CSMD1: variants seen among roughly 807,000 people sequenced by gnomAD.
The protein encoded by CSMD1 is CUB and Sushi multiple domains 1.
CSMD1 carries 213 observed loss-of-function variants against 417.5 expected under a neutral mutation model. The ratio of observed to expected loss-of-function variants is 0.51; its 90% CI spans 0.46 to 0.57. The LOEUF (loss-of-function observed/expected upper bound fraction) is 0.57. Among genes scored for constraint, CSMD1 ranks in the 20% least tolerant of loss-of-function variants. The pLI is 0.00. For missense variants in CSMD1, 6,923 were observed against 4,529.7 expected (o/e 1.53, Z -15.17); for synonymous variants, 2,862 against 1,736.8 (o/e 1.65, Z -16.11).
intron 1 of CSMD1, among the ~76,000 whole-genome samples, chr8:4,902,565 G>C (rs558568573): frequency 5.9e-5 from 9 of 152,226 alleles, no homozygotes; most frequent in South Asian, 2.1e-4. Context: ...TTTCTTCTTA[G>C]AATTAGAAAA....
At chr8:4,876,203 G>C (rs922521678) in intron 1 of CSMD1, among the ~76,000 whole-genome samples, 5 of 151,972 alleles carry the variant, frequency 3.3e-5, no homozygotes, top group African/African-American at 7.3e-5. Flanking sequence ...TAAATATGTA[G>C]GCCACTTTTG....
chr8:4,894,278 C>T (rs1226357703), intron 1 of CSMD1, among the ~76,000 whole-genome samples: 1 of 151,920 alleles, frequency 6.6e-6, no homozygotes, highest in African/African-American at 2.4e-5. Context: ...TTTTGTTTTG[C>T]TTTTTCAAAT....
At chr8:4,886,606 C>T (rs963907448) in intron 1 of CSMD1, among the ~76,000 whole-genome samples, 3 of 151,908 alleles carry the variant, frequency 2.0e-5, no homozygotes, top group Admixed American at 1.3e-4. Context: ...TATAATTCAG[C>T]AGTAAAACTG....
intron 1 of CSMD1, among the ~76,000 whole-genome samples, chr8:4,913,170 G>C (rs1805816614): frequency 6.6e-6 from 1 of 152,142 alleles, no homozygotes; most frequent in Non-Finnish European, 1.5e-5. Context: ...CAGGACAGTG[G>C]GTCTTGCAAA....
chr8:3,335,578 GA>G (rs1305102817), intron 23 of CSMD1, among the ~76,000 whole-genome samples: 1 of 152,206 alleles, frequency 6.6e-6, no homozygotes, highest in Non-Finnish European at 1.5e-5. Flanking sequence ...TAGGGAGGCT[GA>G]GTCAGGAGAA....
intron 3 of CSMD1, among the ~76,000 whole-genome samples, chr8:4,112,784 T>G (rs1453148644): frequency 1.3e-5 from 2 of 152,226 alleles, no homozygotes; most frequent in African/African-American, 4.8e-5. Flanking sequence ...CTCCAAACGT[T>G]AGAATTTTAT....
intron 3 of CSMD1, among the ~76,000 whole-genome samples, chr8:4,043,132 A>G (rs756918948): frequency 6.6e-6 from 1 of 152,044 alleles, no homozygotes; most frequent in Non-Finnish European, 1.5e-5. Context: ...GACTCTGTCT[A>G]CAAAACAAAA....
At chr8:3,890,962 A>C (rs1209114234) in intron 5 of CSMD1, among the ~76,000 whole-genome samples, 1 of 152,124 alleles carries the variant, frequency 6.6e-6, no homozygotes, top group Non-Finnish European at 1.5e-5. Context: ...CTCTCTCAAT[A>C]ACCTGTGAAA....
chr8:3,068,730 A>C (rs1813120163), intron 49 of CSMD1, among the ~76,000 whole-genome samples: 1 of 152,098 alleles, frequency 6.6e-6, no homozygotes, highest in Non-Finnish European at 1.5e-5. Flanking sequence ...ACACACTTTT[A>C]ACTGAACAGA....
At chr8:4,790,922 G>A (rs574071183) in intron 1 of CSMD1, among the ~76,000 whole-genome samples, 3 of 152,156 alleles carry the variant, frequency 2.0e-5, no homozygotes, top group Non-Finnish European at 2.9e-5. Flanking sequence ...CTAGGCCCTG[G>A]CAAAGACTTA....
chr8:4,584,874 A>C (rs1353803672), intron 2 of CSMD1, among the ~76,000 whole-genome samples: 1 of 152,134 alleles, frequency 6.6e-6, no homozygotes, highest in African/African-American at 2.4e-5. Flanking sequence ...GATTGGATCA[A>C]CTGTGGATTG....
chr8:4,739,106 G>A (rs989370264), intron 1 of CSMD1, among the ~76,000 whole-genome samples: 4 of 151,754 alleles, frequency 2.6e-5, no homozygotes, highest in Admixed American at 6.6e-5. Context: ...ACATACACAC[G>A]TGCACACACA....
chr8:3,883,737 A>C (rs1030202795), intron 5 of CSMD1, among the ~76,000 whole-genome samples: 4 of 152,134 alleles, frequency 2.6e-5, no homozygotes, highest in African/African-American at 4.8e-5. Flanking sequence ...TGATTCATTG[A>C]AACAACTGAA....
intron 1 of CSMD1, among the ~76,000 whole-genome samples, chr8:4,706,840 A>G (rs1563184287): frequency 6.6e-6 from 1 of 152,198 alleles, no homozygotes; most frequent in Non-Finnish European, 1.5e-5. Flanking sequence ...CCCGATTGAG[A>G]GAATGGGGGA....
chr8:3,964,669 T>C (rs1017645262), intron 5 of CSMD1, among the ~76,000 whole-genome samples: 10 of 152,234 alleles, frequency 6.6e-5, no homozygotes, highest in African/African-American at 2.4e-4. Flanking sequence ...TGTCTCTATA[T>C]TTTTACTTTT....
At chr8:3,521,710 C>T (rs1415689883) in intron 10 of CSMD1, among the ~76,000 whole-genome samples, 1 of 152,312 alleles carries the variant, frequency 6.6e-6, no homozygotes, top group East Asian at 1.9e-4. Flanking sequence ...CCAGAATTTT[C>T]TTAATGAGAA....
At chr8:3,247,862 G>A (rs552576100) in intron 26 of CSMD1, among the ~76,000 whole-genome samples, 2 of 152,156 alleles carry the variant, frequency 1.3e-5, no homozygotes, top group African/African-American at 2.4e-5. Flanking sequence ...AATTCACAAG[G>A]GGGGAGCAGG....
At chr8:2,945,076 G>C (rs988856580) in intron 68 of CSMD1, among the ~76,000 whole-genome samples, 5 of 152,078 alleles carry the variant, frequency 3.3e-5, no homozygotes, top group African/African-American at 7.2e-5. Context: ...ATAATTTGAA[G>C]GTTAATATAC....
intron 6 of CSMD1, among the ~76,000 whole-genome samples, chr8:3,752,951 A>T (rs1164356586): frequency 6.6e-6 from 1 of 152,312 alleles, no homozygotes; most frequent in South Asian, 2.1e-4. Flanking sequence ...TTGTTGAAAA[A>T]TTACTAAAAT....
Sources: gnomAD v4.1 joint callset for allele counts (sites outside exome capture counted in the v4.1 genomes callset) on GRCh38, gnomAD v4.1.1 for gene constraint, MANE v1.5 for transcripts, NCBI Gene and HGNC (gene_info 2026-07-23, HGNC 2026-07-21) for gene names.